The following PRKG1 variants were observed in gnomAD, a reference collection of about 807,000 sequenced individuals.
The protein encoded by PRKG1 is cGMP-dependent protein kinase 1.
A neutral mutation model predicts 88.1 loss-of-function variants in PRKG1; 35 were observed. The ratio of observed to expected loss-of-function variants is 0.40; its 90% CI spans 0.30 to 0.53. PRKG1 has a LOEUF of 0.53. Ranked by LOEUF, PRKG1 falls within the 20% of genes least tolerant of loss-of-function variation. The pLI is 0.59. For missense variants in PRKG1, 540 were observed against 839.8 expected (o/e 0.64, Z 4.41); for synonymous variants, 303 against 292.5 (o/e 1.04, Z -0.37).
At chr10:52,064,825 C>G (rs61849899) in intron 7 of PRKG1, among the ~76,000 whole-genome samples, 1 of 152,180 alleles carries the variant, frequency 6.6e-6, no homozygotes, top group Non-Finnish European at 1.5e-5. Context: ...CCTGCTGCAC[C>G]CAGTGTGATG....
chr10:52,240,650 C>T (rs564701230), intron 9 of PRKG1, among the ~76,000 whole-genome samples: 10 of 152,110 alleles, frequency 6.6e-5, no homozygotes, highest in Non-Finnish European at 1.2e-4. Context: ...TTTCCTGGGA[C>T]TTAATTCATT....
chr10:50,999,024 T>A (rs959576061), intron 1 of PRKG1, among the ~76,000 whole-genome samples: 3 of 152,206 alleles, frequency 2.0e-5, no homozygotes, highest in Admixed American at 2.0e-4. Context: ...TTAAACATTT[T>A]AAAATTGTTT....
intron 5 of PRKG1, among the ~76,000 whole-genome samples, chr10:52,005,034 C>T (rs1294408543): frequency 1.3e-5 from 2 of 152,080 alleles, no homozygotes; most frequent in Admixed American, 1.3e-4. Flanking sequence ...TTTTAGGAGC[C>T]AACAAAATAT....
At chr10:52,284,121 C>A (rs1466467293) in intron 14 of PRKG1, among the ~76,000 whole-genome samples, 1 of 151,608 alleles carries the variant, frequency 6.6e-6, no homozygotes, top group Admixed American at 6.6e-5. Context: ...GCACAGGTTA[C>A]AATATCTGAC....
chr10:51,107,748 T>C (rs1256838181), intron 1 of PRKG1, among the ~76,000 whole-genome samples: 1 of 133,526 alleles, frequency 7.5e-6, no homozygotes, highest in Non-Finnish European at 1.5e-5. Context: ...ATTTTGAGCC[T>C]GGGAAGTCGC....
intron 3 of PRKG1, among the ~76,000 whole-genome samples, chr10:51,571,942 G>A (rs554280063): frequency 4.6e-5 from 7 of 151,734 alleles, no homozygotes; most frequent in South Asian, 2.1e-4. Flanking sequence ...GAAAGCATAC[G>A]AAATATTGTG....
At chr10:52,278,213 A>T (rs1307834939) in intron 12 of PRKG1, among the ~76,000 whole-genome samples, 1 of 152,170 alleles carries the variant, frequency 6.6e-6, no homozygotes, top group Admixed American at 6.5e-5. Context: ...CACATGAAAA[A>T]ATGCTCATCA....
intron 2 of PRKG1, chr10:51,319,751 C>G (rs1841407155): frequency 6.6e-6 from 1 of 152,264 alleles, no homozygotes; most frequent in Non-Finnish European, 1.5e-5. Flanking sequence ...GCTCTTCTAG[C>G]AAATACATGT....
chr10:52,139,648 A>G (rs1223160803), intron 8 of PRKG1, among the ~76,000 whole-genome samples: 1 of 152,084 alleles, frequency 6.6e-6, no homozygotes, highest in African/African-American at 2.4e-5. Flanking sequence ...AGAAAATAGT[A>G]TTTATGTAAC....
At chr10:51,848,770 G>C (rs1046963769) in intron 4 of PRKG1, among the ~76,000 whole-genome samples, 2 of 151,754 alleles carry the variant, frequency 1.3e-5, no homozygotes, top group African/African-American at 4.8e-5. Context: ...GTCTTTCAAA[G>C]TGCTGGGATT....
chr10:51,750,700 C>T (rs1161437851), intron 3 of PRKG1, among the ~76,000 whole-genome samples: 3 of 152,258 alleles, frequency 2.0e-5, no homozygotes, highest in African/African-American at 4.8e-5. Flanking sequence ...CACTGAATGG[C>T]ACTTCTAAGG....
At chr10:51,478,562 T>C (rs1246318702) in intron 3 of PRKG1, among the ~76,000 whole-genome samples, 1 of 152,068 alleles carries the variant, frequency 6.6e-6, no homozygotes, top group Non-Finnish European at 1.5e-5. Context: ...ATTTACCAAT[T>C]CCCAGTTTCC....
chr10:51,572,751 T>C (rs1198911388), intron 3 of PRKG1, among the ~76,000 whole-genome samples: 6 of 151,608 alleles, frequency 4.0e-5, no homozygotes, highest in Admixed American at 6.6e-5. Context: ...GATTCTGATA[T>C]GCACGATAGC....
Position 51,480,451 on chromosome 10 carries a change from A to T in PRKG1, c.592+12615A>T, listed in dbSNP as rs182992577. Among the ~76,000 whole-genome samples, 431 of 152,246 alleles carry T rather than the reference A, an allele frequency of 2.8e-3. 2 individuals carry two copies. Among genetic ancestry groups the T allele is most frequent in the South Asian group, 0.025 (120 of 4,822 alleles). On this transcript the variant is annotated intron_variant, in intron 3 of 17. Coordinates refer to ENST00000373980, the MANE Select transcript of PRKG1 (RefSeq NM_006258.4). ...ACTTGACTTATACGTTGGGCTCGTA[A>T]TTAAAAATTGGACCTTACTGTGTTC...
chr10:52,247,148 C>T (rs1298774745), intron 9 of PRKG1, among the ~76,000 whole-genome samples: 1 of 152,062 alleles, frequency 6.6e-6, no homozygotes, highest in East Asian at 1.9e-4. Flanking sequence ...GAATTCACAG[C>T]TTTTGCCCTA....
intron 4 of PRKG1, among the ~76,000 whole-genome samples, chr10:51,868,232 G>A (rs1440648190): frequency 6.6e-6 from 1 of 152,156 alleles, no homozygotes; most frequent in Non-Finnish European, 1.5e-5. Context: ...TCCAAGAGAA[G>A]AGAACAAAAG....
chr10:51,548,554 A>G (rs935090344), intron 3 of PRKG1, among the ~76,000 whole-genome samples: 3 of 152,040 alleles, frequency 2.0e-5, no homozygotes, highest in Non-Finnish European at 2.9e-5. Context: ...TTCAGTTTTG[A>G]CTGTTCTTAT....
At chr10:51,410,606 C>A (rs951741178) in intron 2 of PRKG1, among the ~76,000 whole-genome samples, 1 of 152,118 alleles carries the variant, frequency 6.6e-6, no homozygotes, top group Non-Finnish European at 1.5e-5. Context: ...CCCTCACAGA[C>A]ACACGCAGAA....
chr10:51,057,217 A>T (rs1843636270), intron 1 of PRKG1, among the ~76,000 whole-genome samples: 1 of 152,200 alleles, frequency 6.6e-6, no homozygotes, highest in East Asian at 1.9e-4. Context: ...TCTATACCTG[A>T]CATTTTGAGG....
Sources: allele counts gnomAD v4.1 joint callset (sites outside exome capture counted in the v4.1 genomes callset), GRCh38; gene constraint gnomAD v4.1.1; transcripts MANE v1.5; gene names NCBI Gene and HGNC (gene_info 2026-07-23, HGNC 2026-07-21).